The following ESRRG variants were observed in gnomAD, a reference collection of about 807,000 sequenced individuals.
ESRRG encodes estrogen-related receptor gamma.
A neutral mutation model predicts 44.0 loss-of-function variants in ESRRG; 13 were observed. The ratio of observed to expected loss-of-function variants is 0.30; its 90% confidence interval spans 0.19 to 0.47. The LOEUF is 0.47. Among genes scored for constraint, ESRRG ranks in the 20% least tolerant of loss-of-function variants. The pLI is 1.00. For missense variants in ESRRG, 395 were observed against 580.6 expected, an observed-to-expected ratio of 0.68 and a Z score of 3.29; for synonymous variants, 215 against 214.6, an observed-to-expected ratio of 1.00 and a Z score of -0.02.
At chr1:216,815,406 C>T (rs1320566238) in intron 2 of ESRRG, among the ~76,000 whole-genome samples, 1 of 152,212 alleles carries the variant, frequency 6.6e-6, no homozygotes, top group African/African-American at 2.4e-5. Context: ...AGGCTGAGCT[C>T]TAACCCACAG....
chr1:217,000,994 T>A (rs2076968092), intron 1 of ESRRG, among the ~76,000 whole-genome samples: 1 of 152,232 alleles, frequency 6.6e-6, no homozygotes, highest in African/African-American at 2.4e-5. Context: ...CATCTTGATT[T>A]AATGGAGAAA....
intron 1 of ESRRG, among the ~76,000 whole-genome samples, chr1:216,973,767 G>C (rs868603761): frequency 6.6e-6 from 1 of 151,484 alleles, no homozygotes; most frequent in South Asian, 2.1e-4. Context: ...CAGAGGTTGC[G>C]GTGAGCTGAG....
chr1:216,638,561 C>G lies in ESRRG; in HGVS notation c.589+12412G>C, dbSNP rs149621991. Among the ~76,000 whole-genome samples the G allele has an allele frequency of 7.1e-4, 108 of 152,276 alleles. 1 individual carries two copies. Among genetic ancestry groups the G allele is most frequent in the African/African-American group, 2.5e-3 (103 of 41,558 alleles). ...CTCTTAATCTTTATGCTCTATTTCC[C>G]TCTGTGGAAAACATGAAATTAAATG... On this transcript the variant is annotated intron_variant, in intron 3 of 6. Coordinates refer to ENST00000408911, the MANE Select transcript of ESRRG (RefSeq NM_001438.4).
rs944053643 is a variant in ESRRG, at chr1:217,125,075, G to A, written c.-230+12592C>T. On this transcript the variant is annotated intron_variant, in intron 1 of 8. Transcript: ENST00000366940. ...CTCCAGGGCCTCTGAAGACAGCTCA[G>A]GGCTGATCTGTATCAAGTCTGCCCA... is the stretch of plus-strand genomic sequence containing the variant. Among the ~76,000 whole-genome samples the A allele has an allele frequency of 2.6e-5, 4 of 152,162 alleles. No individual in the cohort carries two copies. In the East Asian group the frequency reaches 7.7e-4, roughly 29 times the overall value.
At position 216,612,181 on chromosome 1, in the gene ESRRG, A is replaced by G. The variant is rs569848934; in HGVS notation, c.589+38792T>C. Reference sequence around the variant, plus strand: ...AAGTAGCGGGAAAGGGGATGAACAGAAAGAGATGGATTCAAAAGATACTCT... The same window carrying G: ...AAGTAGCGGGAAAGGGGATGAACAGGAAGAGATGGATTCAAAAGATACTCT... On this transcript the variant is annotated intron_variant, in intron 3 of 6. Coordinates refer to ENST00000408911, the MANE Select transcript of ESRRG (RefSeq NM_001438.4). Among the ~76,000 whole-genome samples, 21 of 152,302 alleles carry G rather than the reference A, an allele frequency of 1.4e-4. No homozygotes were observed. In the South Asian group the frequency reaches 2.7e-3, roughly 20 times the overall value.
intron 1 of ESRRG, among the ~76,000 whole-genome samples, chr1:217,077,792 C>T (rs1171780423): frequency 6.6e-6 from 1 of 152,304 alleles, no homozygotes; most frequent in South Asian, 2.1e-4. Flanking sequence ...TCTTTAAAAA[C>T]ATTCCCCAAA....
At chr1:216,743,291 C>T (rs988057346) in intron 2 of ESRRG, among the ~76,000 whole-genome samples, 2 of 152,170 alleles carry the variant, frequency 1.3e-5, no homozygotes, top group Non-Finnish European at 2.9e-5. Context: ...TATTCATTTG[C>T]TGTTAATGCT....
intron 2 of ESRRG, among the ~76,000 whole-genome samples, chr1:216,893,410 A>C (rs1186118237): frequency 6.6e-6 from 1 of 152,208 alleles, no homozygotes; most frequent in Non-Finnish European, 1.5e-5. Context: ...CCAGGGCCCC[A>C]TGAGGCACAC....
At chr1:216,512,839 A>G (rs1558178050) in intron 6 of ESRRG, among the ~76,000 whole-genome samples, 1 of 152,164 alleles carries the variant, frequency 6.6e-6, no homozygotes, top group South Asian at 2.1e-4. Context: ...TGGGCCCTCA[A>G]TGAAAGCAAG....
At chr1:217,060,818 A>AGATAGATAGATAGACAGAT (rs141474357) in intron 1 of ESRRG, among the ~76,000 whole-genome samples, 1 of 150,016 alleles carries the variant, frequency 6.7e-6, no homozygotes, top group African/African-American at 2.5e-5. Context: ...ATAGATAGAT[A>AGATAGATAGATAGACAGAT]GATAGATAGA....
chr1:217,136,260 A>T (rs1028481353), intron 1 of ESRRG, among the ~76,000 whole-genome samples: 3 of 152,202 alleles, frequency 2.0e-5, no homozygotes, highest in African/African-American at 7.2e-5. Flanking sequence ...AAGCAACGCC[A>T]GGAGTTGGCG....
At chr1:216,719,858 C>A (rs971513945) in intron 1 of ESRRG, among the ~76,000 whole-genome samples, 18 of 151,988 alleles carry the variant, frequency 1.2e-4, no homozygotes, top group African/African-American at 4.1e-4. Flanking sequence ...AGATGAGAAA[C>A]CATCACTGTA....
intron 2 of ESRRG, among the ~76,000 whole-genome samples, chr1:216,730,305 T>TA (rs11445965): frequency 0.36 from 43,816 of 121,316 alleles, 7,823 homozygotes; most frequent in South Asian, 0.58. Context: ...CTTAGAAAGG[T>TA]AAAAAAAAAA....
chr1:217,086,475 C>T (rs924160475), intron 1 of ESRRG, among the ~76,000 whole-genome samples: 2 of 152,138 alleles, frequency 1.3e-5, no homozygotes, highest in African/African-American at 4.8e-5. Context: ...TACTACTGTA[C>T]GCATCATTTC....
intron 2 of ESRRG, among the ~76,000 whole-genome samples, chr1:216,753,707 A>G (rs962039587): frequency 6.6e-6 from 1 of 152,112 alleles, no homozygotes; most frequent in Non-Finnish European, 1.5e-5. Context: ...GGTATAGTCC[A>G]AATAAACTTA....
intron 2 of ESRRG, among the ~76,000 whole-genome samples, chr1:216,652,621 G>A (rs1482791548): frequency 6.6e-6 from 1 of 152,034 alleles, no homozygotes; most frequent in Non-Finnish European, 1.5e-5. Flanking sequence ...AATATTCATT[G>A]CATCAACAGA....
chr1:217,039,291 C>T (rs1469723385), intron 1 of ESRRG, among the ~76,000 whole-genome samples: 3 of 152,132 alleles, frequency 2.0e-5, no homozygotes, highest in African/African-American at 7.2e-5. Context: ...ATATTTTCAG[C>T]AACACCCCAC....
chr1:216,765,787 C>T (rs1159355453), intron 2 of ESRRG, among the ~76,000 whole-genome samples: 1 of 152,084 alleles, frequency 6.6e-6, no homozygotes, highest in African/African-American at 2.4e-5. Context: ...GGGCGTTCCA[C>T]TGCCTGACAA....
intron 2 of ESRRG, among the ~76,000 whole-genome samples, chr1:216,783,475 A>C (rs1285917058): frequency 6.6e-6 from 1 of 152,136 alleles, no homozygotes; most frequent in Non-Finnish European, 1.5e-5. Flanking sequence ...ATTAAAATAA[A>C]AAATAGCTTA....
Sources: gnomAD v4.1 joint callset for allele counts (sites outside exome capture counted in the v4.1 genomes callset) on GRCh38, gnomAD v4.1.1 for gene constraint, MANE v1.5 for transcripts, NCBI Gene and HGNC (gene_info 2026-07-23, HGNC 2026-07-21) for gene names.